The following KRT72 variants were observed in gnomAD, a reference collection of about 807,000 sequenced individuals.
The protein encoded by KRT72 is keratin 72, also known as keratin, type II cytoskeletal 72.
KRT72 carries 44 observed loss-of-function variants against 44.7 expected under a neutral mutation model. The observed-to-expected ratio is 0.98, with a 90% CI of 0.77 to 1.27. The LOEUF (loss-of-function observed/expected upper bound fraction) is 1.27. Among genes scored for constraint, KRT72 ranks in the 50% most tolerant of loss-of-function variants. The pLI, the probability that KRT72 is intolerant of heterozygous loss-of-function variation, is 0.00. For missense variants in KRT72, 736 were observed against 667.1 expected (o/e 1.10, Z -1.14); for synonymous variants, 302 against 280.4 (o/e 1.08, Z -0.77).
At chr12:52,595,016 A>G (rs1275064115) in intron 2 of KRT72, among the ~76,000 whole-genome samples, 2 of 152,330 alleles carry the variant, frequency 1.3e-5, no homozygotes, top group East Asian at 3.9e-4. Flanking sequence ...AAAGATTAAT[A>G]ATGTCTACCC....
rs368212400 is a variant in KRT72, at chr12:52,587,026, C to G, written c.1311-46G>C. 8.9e-6 allele frequency: 14 copies of G among 1,579,756 alleles called. No individual in the cohort carries two copies. In the South Asian group the frequency reaches 1.6e-4, roughly 17 times the overall value. On this transcript the variant is annotated intron_variant, in intron 7 of 8. Coordinates refer to ENST00000293745, the MANE Select transcript of KRT72 (RefSeq NM_080747.3). ...CAGGTAAATCCCCCATAAATAATCACCCCAACCACCTGGAAGTCACCTCTG... is the reference window on the plus strand; with the variant it reads ...CAGGTAAATCCCCCATAAATAATCAGCCCAACCACCTGGAAGTCACCTCTG...
chr12:52,593,336 G>A (rs187628622), intron 2 of KRT72, among the ~76,000 whole-genome samples: 20 of 152,256 alleles, frequency 1.3e-4, no homozygotes, highest in Admixed American at 5.2e-4. Context: ...AAACCTCCTA[G>A]GCACCAAACA....
intron 1 of KRT72, among the ~76,000 whole-genome samples, chr12:52,599,795 C>T (rs1940350528): frequency 1.3e-5 from 2 of 152,200 alleles, no homozygotes; most frequent in African/African-American, 4.8e-5. Flanking sequence ...AATTCCTCTT[C>T]CCTAGCATAG....
At chr12:52,592,816 T>C in intron 3 of KRT72, 76 bp downstream of exon 3, 1 of 1,333,148 alleles carries the variant, frequency 7.5e-7, no homozygotes, top group Non-Finnish European at 1.1e-6. Flanking sequence ...CAGGGCCCCT[T>C]TCCTCACCCT....
At chr12:52,587,032 C>T (rs778832034) in intron 7 of KRT72, 52 bp from the exon 8 acceptor site, 1 of 1,563,594 alleles carries the variant, frequency 6.4e-7, no homozygotes, top group Non-Finnish European at 8.8e-7. Context: ...ATCACCCCAA[C>T]CACCTGGAAG....
At chr12:52,599,151 T>C (rs1412411370) in intron 1 of KRT72, 39 bp from the exon 2 acceptor site, 2 of 1,601,062 alleles carry the variant, frequency 1.2e-6, no homozygotes, top group Non-Finnish European at 1.7e-6. Flanking sequence ...AGTCCCCATG[T>C]TGTTGCCTCT....
chr12:52,592,770 T>C, intron 3 of KRT72, 122 bp downstream of exon 3: 1 of 796,910 alleles, frequency 1.3e-6, no homozygotes, highest in South Asian at 1.6e-5. Flanking sequence ...GAAGTTAGAG[T>C]GCCAGTCACC....
chr12:52,590,425 C>T lies in KRT72; in HGVS notation c.1089+411G>A, dbSNP rs540097803. On this transcript the variant is annotated intron_variant, in intron 6 of 8. Coordinates refer to ENST00000293745, the MANE Select transcript of KRT72 (RefSeq NM_080747.3). ...CCTGCGTTAGGTCTAAACCCCAAGG[C>T]TTACCTATTCCTACCCAGTGGTGTA... 6.9e-4 allele frequency among the ~76,000 whole-genome samples: 105 copies of T among 152,314 alleles called. 1 individual carries two copies. Among genetic ancestry groups the T allele is most frequent in the African/African-American group, 2.3e-3 (97 of 41,578 alleles).
In KRT72 at chr12:52,591,564, CGGTT is replaced by C; in HGVS notation, c.859_862del (p.Asn287GlyfsTer21). The stretch of plus-strand genomic sequence containing the variant: ...AATGATGCTGTCCAGGTCCAGATCC[CGGTT>C]GTTGTCCATTGACAGGACGATGGAC... On this transcript the variant is annotated frameshift_variant, in exon 5 of 9. Transcript: ENST00000293745. LOFTEE classifies it high-confidence loss of function. 1.9e-6 allele frequency: 3 copies of C among 1,613,958 alleles called. No individual in the cohort carries two copies. Among genetic ancestry groups the C allele is most frequent in the Non-Finnish European group, 2.5e-6 (3 of 1,179,888 alleles).
chr12:52,601,013 G>A lies in KRT72; in HGVS notation c.426+14C>T. ...GCGCCCAACGCAGGGACAGGCCAATGCCCGAGGACTCACCTTGTCGATGAA... is the reference window on the plus strand; with the variant it reads ...GCGCCCAACGCAGGGACAGGCCAATACCCGAGGACTCACCTTGTCGATGAA... On this transcript the variant is annotated intron_variant, in intron 1 of 8. Coordinates refer to ENST00000293745, the MANE Select transcript of KRT72 (RefSeq NM_080747.3). 1.2e-6 allele frequency: 2 copies of A among 1,610,002 alleles called. No individual in the cohort carries two copies. Among genetic ancestry groups the A allele is most frequent in the South Asian group, 1.1e-5 (1 of 90,552 alleles).
rs533509486 is a variant in KRT72 at position 52,591,757 on chromosome 12, CAGTGCCTGGCAGGCACGTGAAGA to C, written c.799-152_799-130del. 2.2e-3 allele frequency: 1,878 copies of C among 852,390 alleles called. 4 individuals carry two copies. The highest frequency in any genetic ancestry group is 3.0e-3 in the Non-Finnish European group (1,634 of 548,602). The allele number at this position is 852,390 out of a possible 1,614,324, so 52.8% of individuals were successfully genotyped here. On this transcript the variant is annotated intron_variant, in intron 4 of 8. Coordinates refer to ENST00000293745, the MANE Select transcript of KRT72 (RefSeq NM_080747.3). ...CAGCGTTTGAACTCTGCCTCAGCAC[CAGTGCCTGGCAGGCACGTGAAGA>C]AGTGCCTTAGGCTTTCAGCCCCAAA...
chr12:52,585,824 G>C lies in KRT72; in HGVS notation c.*158C>G. 1.4e-6 allele frequency: 1 copy of C among 691,102 alleles called. No individual in the cohort carries two copies. Among genetic ancestry groups the C allele is most frequent in the Non-Finnish European group, 2.5e-6 (1 of 402,186 alleles). The allele number at this position is 691,102 out of a possible 1,614,324, so 42.8% of individuals were successfully genotyped here. A position where few individuals can be genotyped will look rare whatever the true frequency, so the allele number is the denominator to read the frequency against. On this transcript the variant is annotated 3_prime_UTR_variant, in exon 9 of 9. Coordinates refer to ENST00000293745, the MANE Select transcript of KRT72 (RefSeq NM_080747.3). ...AGCTCCTGACTGGACTCCTTGCATCGAAGCATCACACCTTGAGGACAACAG... is the reference window on the plus strand; with the variant it reads ...AGCTCCTGACTGGACTCCTTGCATCCAAGCATCACACCTTGAGGACAACAG...
intron 1 of KRT72, chr12:52,599,347 C>T (rs770683088): frequency 1.7e-6 from 1 of 599,294 alleles, no homozygotes; most frequent in South Asian, 1.5e-5. Flanking sequence ...TACCATCTGC[C>T]TCTGCCTCAG....
At chr12:52,600,749 G>A (rs1432272398) in intron 1 of KRT72, among the ~76,000 whole-genome samples, 1 of 151,280 alleles carries the variant, frequency 6.6e-6, no homozygotes, top group African/African-American at 2.4e-5. Context: ...TCCCAGTCTC[G>A]GGTATGTCTT....
At chr12:52,593,001 G>T in intron 2 of KRT72, 49 bp from the exon 3 acceptor site, 1 of 1,550,650 alleles carries the variant, frequency 6.4e-7, no homozygotes, top group Non-Finnish European at 8.8e-7. Context: ...AACACTCACT[G>T]AACAGTTAGT....
rs184091326 is a variant in KRT72 at position 52,600,652 on chromosome 12, T to G, written c.426+375A>C. Among the ~76,000 whole-genome samples the G allele has an allele frequency of 1.5e-3, 222 of 152,230 alleles. 1 individual carries two copies. The highest frequency in any genetic ancestry group is 3.6e-3 in the Admixed American group (55 of 15,300). On this transcript the variant is annotated intron_variant, in intron 1 of 8. Coordinates refer to ENST00000293745, the MANE Select transcript of KRT72 (RefSeq NM_080747.3). ...TCATTTTTCTCTGGCCGCCGCCATA[T>G]AAGACGTGACTTTGGCCTCCCGTTA...
intron 1 of KRT72, 57 bp downstream of exon 1, chr12:52,600,970 C>A: frequency 6.3e-7 from 1 of 1,574,840 alleles, no homozygotes; most frequent in South Asian, 1.2e-5. Context: ...GTGGCAGAGC[C>A]AGCACCACTG....
chr12:52,591,442 A>C, intron 5 of KRT72, 22 bp downstream of exon 5: 1 of 1,609,874 alleles, frequency 6.2e-7, no homozygotes, highest in South Asian at 1.1e-5. Flanking sequence ...AGTGGGACTC[A>C]GCACACCTGG....
chr12:52,601,258 C>A lies in KRT72; in HGVS notation c.195G>T (p.Arg65=), dbSNP rs768849732. ...SRSLALSAAA[R]RGGGRLGGFV... ...AGCCGCCCAGGCGGCCGCCGCCCCG[C>A]CGTGCAGCAGCGCTGAGCGCCAGGC... The change falls in exon 1 of 9, where the codon CGG becomes CGT. Residue 65 remains arginine (R), a synonymous_variant. Coordinates refer to ENST00000293745, the MANE Select transcript of KRT72 (RefSeq NM_080747.3). 1.9e-6 allele frequency: 3 copies of A among 1,562,658 alleles called. No homozygotes were observed. The highest frequency in any genetic ancestry group is 8.7e-7 in the Non-Finnish European group (1 of 1,154,064).
Sources: allele counts gnomAD v4.1 joint callset (sites outside exome capture counted in the v4.1 genomes callset), GRCh38; gene constraint gnomAD v4.1.1; transcripts MANE v1.5; gene names NCBI Gene and HGNC (gene_info 2026-07-23, HGNC 2026-07-21).